The following RBFOX1 variants were observed in gnomAD, a reference collection of about 807,000 sequenced individuals.
The protein encoded by RBFOX1 is RNA binding protein fox-1 homolog 1.
In RBFOX1, 8 loss-of-function variants were observed where a neutral mutation model predicts 57.7. The observed-to-expected ratio is 0.14, with a 90% CI of 0.08 to 0.25. RBFOX1 has a LOEUF of 0.25. Among genes scored for constraint, RBFOX1 ranks in the 10% least tolerant of loss-of-function variants. The probability of loss-of-function intolerance (pLI) is 1.00; values close to 1 mark genes in which losing one functional copy is unlikely to be tolerated. For missense variants in RBFOX1, 611 were observed against 548.5 expected, an observed-to-expected ratio of 1.11 and a Z score of -1.14; for synonymous variants, 326 against 222.4, an observed-to-expected ratio of 1.47 and a Z score of -4.15.
intron 4 of RBFOX1, among the ~76,000 whole-genome samples, chr16:7,110,055 C>G (rs138855372): frequency 3.7e-4 from 56 of 152,044 alleles, no homozygotes; most frequent in African/African-American, 1.3e-3. Flanking sequence ...CCTGCTAATA[C>G]TAATCACTAA....
chr16:5,763,535 A>G (rs1448786536), intron 3 of RBFOX1, among the ~76,000 whole-genome samples: 4 of 152,174 alleles, frequency 2.6e-5, no homozygotes, highest in African/African-American at 2.4e-5. Context: ...TTATCCCCAT[A>G]TTTTCACCGA....
intron 3 of RBFOX1, among the ~76,000 whole-genome samples, chr16:5,629,507 T>A (rs1176542275): frequency 3.9e-5 from 6 of 152,218 alleles, no homozygotes; most frequent in Non-Finnish European, 8.8e-5. Context: ...CATGGACCAT[T>A]TAACTACTGG....
At chr16:7,372,289 G>A (rs911197185) in intron 4 of RBFOX1, among the ~76,000 whole-genome samples, 9 of 152,144 alleles carry the variant, frequency 5.9e-5, no homozygotes, top group Non-Finnish European at 8.8e-5. Flanking sequence ...CCATGAGAGC[G>A]GGATCATGTC....
At chr16:6,745,906 T>C (rs901571196) in intron 3 of RBFOX1, among the ~76,000 whole-genome samples, 5 of 152,234 alleles carry the variant, frequency 3.3e-5, no homozygotes, top group African/African-American at 1.2e-4. Context: ...AGAAAGTCAC[T>C]GGAACTTAGA....
At chr16:5,914,759 G>C (rs796090046) in intron 4 of RBFOX1, among the ~76,000 whole-genome samples, 25 of 152,246 alleles carry the variant, frequency 1.6e-4, no homozygotes, top group African/African-American at 6.0e-4. Context: ...AGCGGGCATG[G>C]TGGCAGGCGC....
chr16:7,679,724 C>T (rs1470166124), intron 14 of RBFOX1, among the ~76,000 whole-genome samples: 2 of 151,924 alleles, frequency 1.3e-5, no homozygotes, highest in South Asian at 4.2e-4. Context: ...CCTTGCAACT[C>T]CCTGCCCATC....
intron 1 of RBFOX1, among the ~76,000 whole-genome samples, chr16:6,063,567 C>T (rs568334502): frequency 1.3e-5 from 2 of 151,956 alleles, no homozygotes; most frequent in Admixed American, 6.6e-5. Context: ...TAACACCCAC[C>T]ACCAAAACTA....
intron 11 of RBFOX1, among the ~76,000 whole-genome samples, chr16:7,637,271 C>CAA (rs5815418): frequency 5.7e-5 from 8 of 139,416 alleles, no homozygotes; most frequent in African/African-American, 1.6e-4. Flanking sequence ...CTTCCCTCCT[C>CAA]AAAAAAAAAA....
chr16:5,970,609 C>T (rs999715619), intron 4 of RBFOX1, among the ~76,000 whole-genome samples: 1 of 152,268 alleles, frequency 6.6e-6, no homozygotes, highest in African/African-American at 2.4e-5. Context: ...AGAAGACAGA[C>T]TGTGGGCCGA....
In RBFOX1 at chr16:7,629,949, C is replaced by T. The variant is rs576708902; in HGVS notation, c.677-654C>T. Among the ~76,000 whole-genome samples, 4 of 152,192 alleles carry T rather than the reference C, an allele frequency of 2.6e-5. No homozygotes were observed. In the East Asian group the frequency reaches 5.8e-4, roughly 22 times the overall value. Reference sequence around the variant, plus strand: ...GTCCAGTGTGGGTCCAGGGTGGGTCCCAGGGATGGCAAAAAGTTGCAATTT... The same window carrying T: ...GTCCAGTGTGGGTCCAGGGTGGGTCTCAGGGATGGCAAAAAGTTGCAATTT... On this transcript the variant is annotated intron_variant, in intron 10 of 15. Coordinates refer to ENST00000550418, the MANE Select transcript of RBFOX1 (RefSeq NM_018723.4).
At chr16:6,842,742 T>C (rs1191223240) in intron 3 of RBFOX1, among the ~76,000 whole-genome samples, 1 of 151,872 alleles carries the variant, frequency 6.6e-6, no homozygotes, top group Non-Finnish European at 1.5e-5. Flanking sequence ...CCATGGTGGT[T>C]TGCTGCACCT....
At chr16:7,192,309 CAT>C (rs1176855837) in intron 4 of RBFOX1, among the ~76,000 whole-genome samples, 1 of 152,116 alleles carries the variant, frequency 6.6e-6, no homozygotes, top group East Asian at 1.9e-4. Context: ...GGGAAAATGT[CAT>C]ATTCAGTGGA....
intron 3 of RBFOX1, among the ~76,000 whole-genome samples, chr16:6,928,697 G>C (rs2076034597): frequency 1.3e-5 from 2 of 152,172 alleles, no homozygotes; most frequent in Non-Finnish European, 2.9e-5. Context: ...TGAGGTCAGA[G>C]TGGTAAGTAA....
intron 1 of RBFOX1, among the ~76,000 whole-genome samples, chr16:6,115,873 A>G (rs2096491548): frequency 6.6e-6 from 1 of 152,128 alleles, no homozygotes; most frequent in African/African-American, 2.4e-5. Context: ...CAGATTTGTT[A>G]AGGAATAGGA....
At chr16:6,735,382 C>T (rs2069898863) in intron 3 of RBFOX1, among the ~76,000 whole-genome samples, 2 of 152,100 alleles carry the variant, frequency 1.3e-5, no homozygotes, top group East Asian at 1.9e-4. Flanking sequence ...CTATTCAGGG[C>T]TTTACTTTTA....
Position 5,364,263 on chromosome 16 carries a change from T to A in RBFOX1, c.220-102953T>A, listed in dbSNP as rs564432518. On this transcript the variant is annotated intron_variant, in intron 1 of 2. Coordinates refer to the RBFOX1 transcript ENST00000585867. The stretch of plus-strand genomic sequence containing the variant: ...CTTGGATGTGTGCTGGTTTGAGATG[T>A]GAATGCACCAACAGTCCCCCAGGGG... Among the ~76,000 whole-genome samples the A allele has an allele frequency of 3.0e-4, 45 of 152,320 alleles. 1 individual carries two copies. Among genetic ancestry groups the A allele is most frequent in the African/African-American group, 1.0e-3 (43 of 41,570 alleles).
chr16:6,663,578 G>A (rs531778264), intron 3 of RBFOX1, among the ~76,000 whole-genome samples: 98 of 152,298 alleles, frequency 6.4e-4, no homozygotes, highest in Admixed American at 9.8e-4. Flanking sequence ...AAAGACCAAA[G>A]CGAAGATACT....
rs28428716 is a variant in RBFOX1 at position 6,526,494 on chromosome 16, G to C, written c.-63-128109G>C. ...GCAATACTTGTCTATTAGGTCTGAGGCTAGATGCTTTATACACAATATCTC... is the reference window on the plus strand; with the variant it reads ...GCAATACTTGTCTATTAGGTCTGAGCCTAGATGCTTTATACACAATATCTC... On this transcript the variant is annotated intron_variant, in intron 2 of 15. Transcript: ENST00000550418. 3.1e-3 allele frequency among the ~76,000 whole-genome samples: 473 copies of C among 152,176 alleles called. 2 individuals are homozygous for C. The highest frequency in any genetic ancestry group is 0.011 in the African/African-American group (450 of 41,510).
intron 3 of RBFOX1, among the ~76,000 whole-genome samples, chr16:6,886,156 G>T (rs1026872373): frequency 2.6e-5 from 4 of 151,010 alleles, no homozygotes; most frequent in African/African-American, 9.7e-5. Context: ...CCGCCCCCAG[G>T]GTTCAAGTGA....
Sources: allele counts gnomAD v4.1 joint callset (sites outside exome capture counted in the v4.1 genomes callset), GRCh38; gene constraint gnomAD v4.1.1; transcripts MANE v1.5; gene names NCBI Gene and HGNC (gene_info 2026-07-23, HGNC 2026-07-21).